Variants in SLC16A7 observed in about 807,000 individuals in gnomAD.
SLC16A7 encodes solute carrier family 16 member 7.
In SLC16A7, 33 loss-of-function variants were observed where a neutral mutation model predicts 34.9. The ratio of observed to expected loss-of-function variants is 0.94; its 90% CI spans 0.72 to 1.26. SLC16A7 has a LOEUF of 1.26. Among genes scored for constraint, SLC16A7 ranks in the 50% most tolerant of loss-of-function variants. SLC16A7 has a pLI of 0.00. For missense variants in SLC16A7, 573 were observed against 578.1 expected (o/e 0.99, Z 0.09); for synonymous variants, 201 against 206.6 (o/e 0.97, Z 0.23).
In SLC16A7 at chr12:59,787,257, T is replaced by A. The variant is rs569066210; in HGVS notation, c.*7578T>A. 2.0e-4 allele frequency: 30 copies of A among 152,326 alleles called. No individual in the cohort carries two copies. Among genetic ancestry groups the A allele is most frequent in the Non-Finnish European group, 3.5e-4 (24 of 68,028 alleles). 9.4% of individuals were successfully genotyped at this position (152,326 alleles called of 1,614,324 possible). ...AATTGTATGCAAGAAATTATTGCCA[T>A]AGCATAGTCTTGAGGAGAACACCTC... On this transcript the variant is annotated 3_prime_UTR_variant, in exon 6 of 6. Transcript: ENST00000547379.
At chr12:59,706,178 A>G (rs1041663746) in intron 3 of SLC16A7, among the ~76,000 whole-genome samples, 4 of 152,144 alleles carry the variant, frequency 2.6e-5, no homozygotes, top group Non-Finnish European at 5.9e-5. Context: ...TTACATCTAG[A>G]GAGTGACAAA....
chr12:59,749,122 T>G (rs1029303990), intron 3 of SLC16A7, among the ~76,000 whole-genome samples: 4 of 152,102 alleles, frequency 2.6e-5, no homozygotes, highest in African/African-American at 9.7e-5. Context: ...AAAGGAAATT[T>G]ATTAGTAAGG....
At chr12:59,752,825 G>T (rs1283664908) in intron 3 of SLC16A7, among the ~76,000 whole-genome samples, 1 of 152,162 alleles carries the variant, frequency 6.6e-6, no homozygotes, top group African/African-American at 2.4e-5. Context: ...AAGTTGAAAT[G>T]AAGGAAAAAA....
chr12:59,701,464 A>ATGTG (rs142237352), intron 2 of SLC16A7, among the ~76,000 whole-genome samples: 1 of 150,908 alleles, frequency 6.6e-6, no homozygotes, highest in Non-Finnish European at 1.5e-5. Flanking sequence ...AATTGTGTAT[A>ATGTG]TGTGTGTGTG....
intron 1 of SLC16A7, among the ~76,000 whole-genome samples, chr12:59,637,054 C>T (rs1203254265): frequency 6.6e-6 from 1 of 152,058 alleles, no homozygotes; most frequent in Admixed American, 6.6e-5. Context: ...AAGAAACTGT[C>T]ACCATGTCAC....
At chr12:59,751,205 A>G (rs1258507566) in intron 3 of SLC16A7, among the ~76,000 whole-genome samples, 1 of 152,122 alleles carries the variant, frequency 6.6e-6, no homozygotes, top group South Asian at 2.1e-4. Flanking sequence ...CTGCATTTCC[A>G]TCTGAGGTAC....
chr12:59,656,599 C>T (rs1056031419), intron 2 of SLC16A7, among the ~76,000 whole-genome samples: 1 of 152,084 alleles, frequency 6.6e-6, no homozygotes, highest in Middle Eastern at 3.4e-3. Context: ...TGTAAGATAA[C>T]AAATTTGTGC....
rs146127448 is a variant in SLC16A7, at chr12:59,651,422, G to A, written c.-129-3730G>A. Among the ~76,000 whole-genome samples, 838 of 152,134 alleles carry A rather than the reference G, an allele frequency of 5.5e-3. 4 individuals carry two copies. Among genetic ancestry groups the A allele is most frequent in the African/African-American group, 0.019 (808 of 41,526 alleles). ...CCCTTGCTTAGAGATTTTAAGTTAT[G>A]CTACTTATTAAGGAGTACCATAGAA... On this transcript the variant is annotated intron_variant, in intron 1 of 5. Transcript: ENST00000547379.
Position 59,703,917 on chromosome 12 carries a change from G to A in SLC16A7, c.-30-855G>A, listed in dbSNP as rs188184003. 1.4e-3 allele frequency among the ~76,000 whole-genome samples: 212 copies of A among 151,724 alleles called. 1 individual carries two copies. Among genetic ancestry groups the A allele is most frequent in the Middle Eastern group, 6.8e-3 (2 of 292 alleles). ...ATAATTTTTATTTTTTAAAAATAGT[G>A]GGGGCTGGATGCGGTGGCTCACACC... On this transcript the variant is annotated intron_variant, in intron 2 of 5. Transcript: ENST00000547379.
intron 3 of SLC16A7, among the ~76,000 whole-genome samples, chr12:59,720,737 T>A (rs1392712268): frequency 6.6e-6 from 1 of 152,062 alleles, no homozygotes; most frequent in Non-Finnish European, 1.5e-5. Flanking sequence ...AATAACTTAC[T>A]CCTCAATCAC....
intron 3 of SLC16A7, among the ~76,000 whole-genome samples, chr12:59,737,496 T>C (rs1307988704): frequency 6.6e-6 from 1 of 152,216 alleles, no homozygotes; most frequent in Non-Finnish European, 1.5e-5. Context: ...TACTTTAAAC[T>C]ATGTCCTCTT....
chr12:59,748,717 C>G (rs1457789721), intron 3 of SLC16A7, among the ~76,000 whole-genome samples: 3 of 152,078 alleles, frequency 2.0e-5, no homozygotes, highest in African/African-American at 7.2e-5. Flanking sequence ...CAGACTCTGC[C>G]AACAGGTGTG....
chr12:59,768,388 G>C (rs545163097), intron 3 of SLC16A7: 2 of 295,780 alleles, frequency 6.8e-6, no homozygotes, highest in Middle Eastern at 1.2e-3. Flanking sequence ...GCCTGAAGGT[G>C]TGACTAGATT....
At chr12:59,630,867 T>C (rs1880152493) in intron 1 of SLC16A7, among the ~76,000 whole-genome samples, 1 of 151,930 alleles carries the variant, frequency 6.6e-6, no homozygotes, top group Non-Finnish European at 1.5e-5. Context: ...TTCAATTTGC[T>C]TTTTGTCAAA....
At chr12:59,712,813 G>T (rs1412057481) in intron 3 of SLC16A7, among the ~76,000 whole-genome samples, 1 of 152,028 alleles carries the variant, frequency 6.6e-6, no homozygotes, top group Non-Finnish European at 1.5e-5. Flanking sequence ...ATCATAGCTT[G>T]GTTTTTTTAA....
chr12:59,760,270 T>C (rs1452574048), intron 3 of SLC16A7, among the ~76,000 whole-genome samples: 2 of 152,054 alleles, frequency 1.3e-5, no homozygotes, highest in African/African-American at 2.4e-5. Context: ...AATATGAATG[T>C]TGTCTTACCT....
intron 2 of SLC16A7, chr12:59,665,089 G>A (rs1276838340): frequency 6.6e-6 from 1 of 152,040 alleles, no homozygotes; most frequent in African/African-American, 2.4e-5. Context: ...GCTGGCTAAT[G>A]TAAAAATATT....
chr12:59,755,269 G>A (rs370455198), intron 3 of SLC16A7, among the ~76,000 whole-genome samples: 6 of 151,952 alleles, frequency 3.9e-5, no homozygotes, highest in African/African-American at 7.3e-5. Flanking sequence ...ATTAGGCAGG[G>A]GAAGGAAATA....
chr12:59,661,411 A>C (rs572848870), intron 2 of SLC16A7, among the ~76,000 whole-genome samples: 1 of 152,218 alleles, frequency 6.6e-6, no homozygotes, highest in South Asian at 2.1e-4. Flanking sequence ...CTTTGAGCTG[A>C]CTGGCAGAAT....
Sources: allele counts gnomAD v4.1 joint callset (sites outside exome capture counted in the v4.1 genomes callset), GRCh38; gene constraint gnomAD v4.1.1; transcripts MANE v1.5; gene names NCBI Gene and HGNC (gene_info 2026-07-23, HGNC 2026-07-21).